The following SND1 variants were observed in gnomAD, a reference collection of about 807,000 sequenced individuals.
SND1 encodes staphylococcal nuclease and tudor domain containing 1.
SND1 carries 38 observed loss-of-function variants against 121.7 expected under a neutral mutation model. The ratio of observed to expected loss-of-function variants is 0.31; its 90% CI spans 0.24 to 0.41. The LOEUF (loss-of-function observed/expected upper bound fraction) is 0.41, where lower values mean the gene tolerates loss of function less well. SND1 is among the 10% of genes least tolerant of loss of function. The pLI is 1.00. For missense variants in SND1, 868 were observed against 1,184.6 expected (o/e 0.73, Z 3.92); for synonymous variants, 401 against 447.4 (o/e 0.90, Z 1.31).
At chr7:127,821,077 A>T (rs530956958) in intron 11 of SND1, among the ~76,000 whole-genome samples, 1 of 152,280 alleles carries the variant, frequency 6.6e-6, no homozygotes, top group Admixed American at 6.5e-5. Flanking sequence ...TCTCAGCGAG[A>T]TGATATTGTG....
chr7:127,855,250 G>C (rs1371477254), intron 12 of SND1, among the ~76,000 whole-genome samples: 3 of 152,026 alleles, frequency 2.0e-5, no homozygotes, highest in Non-Finnish European at 4.4e-5. Flanking sequence ...CTCCCAAGTA[G>C]CTAGGACCAC....
intron 1 of SND1, among the ~76,000 whole-genome samples, chr7:127,664,383 C>T (rs1374963939): frequency 6.6e-6 from 1 of 152,134 alleles, no homozygotes; most frequent in African/African-American, 2.4e-5. Flanking sequence ...GATGGCCAGT[C>T]ATTTAATAAA....
intron 17 of SND1, among the ~76,000 whole-genome samples, chr7:128,077,911 G>A (rs1040087967): frequency 5.3e-5 from 8 of 152,240 alleles, no homozygotes; most frequent in Admixed American, 5.2e-4. Flanking sequence ...GTGTCTGGGT[G>A]TACAACTACT....
intron 15 of SND1, among the ~76,000 whole-genome samples, chr7:127,950,902 T>A (rs1801446664): frequency 6.6e-6 from 1 of 152,148 alleles, no homozygotes; most frequent in African/African-American, 2.4e-5. Flanking sequence ...CCCCAAACAT[T>A]TGATATGCAA....
intron 10 of SND1, among the ~76,000 whole-genome samples, chr7:127,738,694 T>C (rs1291214276): frequency 1.3e-5 from 2 of 152,188 alleles, no homozygotes; most frequent in Non-Finnish European, 2.9e-5. Flanking sequence ...GAGGTCTTTT[T>C]CTTAACTCTC....
chr7:127,817,493 C>A (rs1284138206), intron 11 of SND1, among the ~76,000 whole-genome samples: 1 of 152,148 alleles, frequency 6.6e-6, no homozygotes, highest in Non-Finnish European at 1.5e-5. Flanking sequence ...ACGTCACCAA[C>A]TCTGCTGATA....
chr7:127,849,472 T>TA (rs1163115468), intron 12 of SND1, among the ~76,000 whole-genome samples: 1 of 152,180 alleles, frequency 6.6e-6, no homozygotes, highest in Non-Finnish European at 1.5e-5. Context: ...ATCTACAAAA[T>TA]ATAACTAGGG....
chr7:127,804,432 T>C (rs373428435), intron 10 of SND1, among the ~76,000 whole-genome samples: 3 of 152,204 alleles, frequency 2.0e-5, no homozygotes, highest in African/African-American at 7.2e-5. Flanking sequence ...TGAGGGTATT[T>C]TGTCCTGTGG....
At chr7:127,993,133 C>G (rs1056989186) in intron 16 of SND1, among the ~76,000 whole-genome samples, 2 of 152,142 alleles carry the variant, frequency 1.3e-5, no homozygotes, top group Non-Finnish European at 2.9e-5. Flanking sequence ...TGAGTATGTC[C>G]TAAACTATGA....
intron 12 of SND1, among the ~76,000 whole-genome samples, chr7:127,880,085 G>T (rs970188840): frequency 1.3e-5 from 2 of 152,156 alleles, no homozygotes; most frequent in African/African-American, 4.8e-5. Flanking sequence ...GTGCCTTTCT[G>T]AGGAGCCCCA....
intron 9 of SND1, chr7:127,718,529 A>G: frequency 1.0e-6 from 1 of 980,550 alleles, no homozygotes; most frequent in Non-Finnish European, 1.2e-6. Flanking sequence ...CTTCACCAGC[A>G]AGCTAAACCT....
At chr7:127,780,350 G>T (rs1797697268) in intron 10 of SND1, among the ~76,000 whole-genome samples, 1 of 152,166 alleles carries the variant, frequency 6.6e-6, no homozygotes, top group African/African-American at 2.4e-5. Flanking sequence ...GATCTTCTTT[G>T]GAGGAAGCAG....
intron 16 of SND1, among the ~76,000 whole-genome samples, chr7:128,033,761 C>G (rs981597459): frequency 5.3e-5 from 8 of 152,168 alleles, no homozygotes; most frequent in African/African-American, 1.9e-4. Context: ...ATGAGTCAAA[C>G]GTTGCCTAGG....
intron 16 of SND1, among the ~76,000 whole-genome samples, chr7:128,004,537 A>C (rs563194083): frequency 6.6e-6 from 1 of 152,344 alleles, no homozygotes; most frequent in East Asian, 1.9e-4. Flanking sequence ...TCTCTATGCC[A>C]TGAAATCTTT....
intron 5 of SND1, among the ~76,000 whole-genome samples, chr7:127,702,023 A>G (rs1796113549): frequency 6.6e-6 from 1 of 152,200 alleles, no homozygotes; most frequent in Admixed American, 6.5e-5. Context: ...GGCTGACTGT[A>G]TGTGTATTTA....
At chr7:128,028,947 G>C (rs1792488221) in intron 16 of SND1, 1 of 1,608,518 alleles carries the variant, frequency 6.2e-7, no homozygotes. Flanking sequence ...TATCTCAACA[G>C]TCCGGGCGGC....
intron 9 of SND1, among the ~76,000 whole-genome samples, chr7:127,710,455 A>G (rs1045024890): frequency 6.6e-6 from 1 of 152,016 alleles, no homozygotes; most frequent in African/African-American, 2.4e-5. Context: ...TACAAAAAAA[A>G]AAAAAAAAGT....
At chr7:127,965,104 T>C (rs1382360280) in intron 15 of SND1, among the ~76,000 whole-genome samples, 1 of 17,940 alleles carries the variant, frequency 5.6e-5, no homozygotes, top group Non-Finnish European at 1.0e-4. Flanking sequence ...TACATTGATT[T>C]TGTATCCTGA....
At chr7:127,661,847 G>C (rs1482975617) in intron 1 of SND1, among the ~76,000 whole-genome samples, 2 of 152,182 alleles carry the variant, frequency 1.3e-5, no homozygotes, top group East Asian at 3.8e-4. Context: ...TGGGCATGGT[G>C]GCCCACGCCT....
Sources: allele counts gnomAD v4.1 joint callset (sites outside exome capture counted in the v4.1 genomes callset), GRCh38; gene constraint gnomAD v4.1.1; transcripts MANE v1.5; gene names NCBI Gene and HGNC (gene_info 2026-07-23, HGNC 2026-07-21).